Variants in NINL observed in about 807,000 individuals in gnomAD.
The protein encoded by NINL is ninein-like protein.
In NINL, 153 loss-of-function variants were observed where a neutral mutation model predicts 160.3. The ratio of observed to expected loss-of-function variants is 0.95; its 90% CI spans 0.84 to 1.09. The LOEUF (loss-of-function observed/expected upper bound fraction) is 1.09. Ranked by LOEUF, NINL falls within the 50% of genes least tolerant of loss-of-function variation. The probability of loss-of-function intolerance (pLI) is 0.00; values close to 1 mark genes in which losing one functional copy is unlikely to be tolerated. For missense variants in NINL, 1,829 were observed against 1,764.0 expected, an observed-to-expected ratio of 1.04 and a Z score of -0.66; for synonymous variants, 800 against 734.8, an observed-to-expected ratio of 1.09 and a Z score of -1.43.
At chr20:25,499,783 G>A (rs2063829689) in intron 8 of NINL, among the ~76,000 whole-genome samples, 1 of 151,972 alleles carries the variant, frequency 6.6e-6, no homozygotes, top group Non-Finnish European at 1.5e-5. Context: ...GAATATGACA[G>A]AGCCTCCAAG....
rs534660752 is a variant in NINL, at chr20:25,501,366, G to T, written c.862-356C>A. On this transcript the variant is annotated intron_variant, in intron 7 of 23. Coordinates refer to ENST00000278886, the MANE Select transcript of NINL (RefSeq NM_025176.6). ...TCCACCCTTGAATTCACAAAGGCGG[G>T]AGCCTGGCCTCGCAGAGGCAGGGGC... Among the ~76,000 whole-genome samples, 7 of 152,352 alleles carry T rather than the reference G, an allele frequency of 4.6e-5. No individual in the cohort carries two copies. In the South Asian group the frequency reaches 8.3e-4, roughly 18 times the overall value.
At position 25,491,439 on chromosome 20, in the gene NINL, T is replaced by C. The variant is rs2063633445; in HGVS notation, c.1397A>G (p.His466Arg). 1 of 1,613,884 alleles carries C rather than the reference T, an allele frequency of 6.2e-7. No individual in the cohort carries two copies. The highest frequency in any genetic ancestry group is 8.5e-7 in the Non-Finnish European group (1 of 1,179,990). Reference sequence around the variant, plus strand: ...CCACTCCAGCGCGGCCCTCTGCCTGTGGGCCTGCTCCCAGAACAGCTCTCG... The same window carrying C: ...CCACTCCAGCGCGGCCCTCTGCCTGCGGGCCTGCTCCCAGAACAGCTCTCG... ...AERELFWEQAHRQRAALEWDV... is the reference protein window; with the variant it reads ...AERELFWEQARRQRAALEWDV... Residue 466 changes from histidine (H) to arginine (R), a missense_variant, in exon 11 of 24, where the codon CAC (histidine) becomes CGC (arginine). Coordinates refer to ENST00000278886, the MANE Select transcript of NINL (RefSeq NM_025176.6).
chr20:25,510,344 T>C (rs2064044713), intron 5 of NINL, among the ~76,000 whole-genome samples: 1 of 152,232 alleles, frequency 6.6e-6, no homozygotes, highest in Non-Finnish European at 1.5e-5. Flanking sequence ...AAGGCCCTCC[T>C]GCCTGAAACC....
rs539427610 is a variant in NINL at position 25,557,098 on chromosome 20, C to T, written c.-12+28357G>A. Among the ~76,000 whole-genome samples, 4 of 152,306 alleles carry T rather than the reference C, an allele frequency of 2.6e-5. No homozygotes were observed. In the South Asian group the frequency reaches 8.3e-4, roughly 32 times the overall value. ...GTATTTTATTTTATACTGAACTGCA[C>T]ACTTTAAACAGGTGAATTATATGGT... On this transcript the variant is annotated intron_variant, in intron 1 of 23. Transcript: ENST00000278886.
intron 1 of NINL, among the ~76,000 whole-genome samples, chr20:25,570,467 A>C (rs2065041217): frequency 2.0e-5 from 3 of 150,944 alleles, no homozygotes; most frequent in South Asian, 4.2e-4. Flanking sequence ...GAGCCACCTC[A>C]CTCCCCACTC....
rs1165279253 is a variant in NINL, at chr20:25,476,599, C to T, written c.2692G>A (p.Ala898Thr). The stretch of plus-strand genomic sequence containing the variant: ...CACCTCTCTGAGGGGCCGTGGGATG[C>T]CGGGGCAGGGGCGGGGGCCGGGCTC... Reference protein sequence around the residue: ...TQSPAPAPAPASHGPSERWSR... With the variant: ...TQSPAPAPAPTSHGPSERWSR... The change falls in exon 17 of 24, where the codon GCA becomes ACA. Residue 898 changes from alanine to threonine, a missense_variant. By Grantham distance (58) the Ala-to-Thr change is moderately conservative. Coordinates refer to ENST00000278886, the MANE Select transcript of NINL (RefSeq NM_025176.6). The T allele has an allele frequency of 2.5e-6, 4 of 1,597,984 alleles. No homozygotes were observed. The African/African-American group carries it at 4.0e-5, about 16-fold the overall frequency.
At chr20:25,531,084 C>G (rs370902390) in intron 1 of NINL, among the ~76,000 whole-genome samples, 1 of 152,162 alleles carries the variant, frequency 6.6e-6, no homozygotes, top group Non-Finnish European at 1.5e-5. Flanking sequence ...CCCTCAGGGA[C>G]GCATTCTCTT....
chr20:25,513,147 T>C (rs1273922556), intron 3 of NINL, 141 bp from the exon 4 acceptor site: 5 of 749,340 alleles, frequency 6.7e-6, no homozygotes, highest in Non-Finnish European at 8.1e-6. Flanking sequence ...CACAGAAGCA[T>C]CTGGAAAGAC....
intron 19 of NINL, among the ~76,000 whole-genome samples, chr20:25,465,013 T>G (rs1173961272): frequency 6.6e-6 from 1 of 152,206 alleles, no homozygotes; most frequent in African/African-American, 2.4e-5. Flanking sequence ...CATCTGGCTT[T>G]CACTGCAGAA....
In NINL at chr20:25,455,780, G is replaced by A. The variant is rs779145119; in HGVS notation, c.3850C>T (p.His1284Tyr). 6.2e-7 allele frequency: 1 copy of A among 1,613,680 alleles called. No individual in the cohort carries two copies. Among genetic ancestry groups the A allele is most frequent in the South Asian group, 1.1e-5 (1 of 91,054 alleles). The change falls in exon 23 of 24, where the codon CAT (histidine) becomes TAT (tyrosine). Residue 1284 changes from histidine (H) to tyrosine (Y), a missense_variant. By Grantham distance (83) the His-to-Tyr change is moderately conservative. Coordinates refer to ENST00000278886, the MANE Select transcript of NINL (RefSeq NM_025176.6). Reference protein sequence around the residue: ...RRRLDAQREEHEKQLKATEER... With the variant: ...RRRLDAQREEYEKQLKATEER... ...TCTGTGGCTTTCAGCTGTTTCTCAT[G>A]TTCTTCCTGCCATAAAAGAAGGTTG...
At chr20:25,575,762 A>G (rs892857981) in intron 1 of NINL, among the ~76,000 whole-genome samples, 1 of 104,934 alleles carries the variant, frequency 9.5e-6, no homozygotes, top group Non-Finnish European at 1.9e-5. Flanking sequence ...AACACAAAAC[A>G]ACAAAAAAAA....
chr20:25,472,251 AAGAG>A (rs1314089611), intron 17 of NINL, among the ~76,000 whole-genome samples: 1 of 148,842 alleles, frequency 6.7e-6, no homozygotes, highest in South Asian at 2.1e-4. Flanking sequence ...GAAAATATAA[AAGAG>A]AGGTTGAGAC....
chr20:25,494,625 G>A (rs1203663329), intron 10 of NINL, among the ~76,000 whole-genome samples: 2 of 152,208 alleles, frequency 1.3e-5, no homozygotes, highest in African/African-American at 4.8e-5. Context: ...GAGGCGGGGT[G>A]AGGCCCCGCC....
chr20:25,554,079 G>T (rs1178149833), intron 1 of NINL, among the ~76,000 whole-genome samples: 10 of 152,222 alleles, frequency 6.6e-5, no homozygotes, highest in African/African-American at 2.4e-4. Context: ...AGGTGTGGGG[G>T]AAGTGAGAGT....
rs147804078 is a variant in NINL, at chr20:25,480,221, C to A, written c.1857G>T (p.Glu619Asp). ...GCTCCTTTACCTGCTCCATCATCAG[C>A]TCCGTTTCTATACTCACTGGAGCAG... is the stretch of plus-strand genomic sequence containing the variant. ...GNSAPVSIETELMMEQVKEHY... is the reference protein window; with the variant it reads ...GNSAPVSIETDLMMEQVKEHY... Residue 619 changes from glutamate (E) to aspartate (D), a missense_variant, in exon 15 of 24, where the codon GAG becomes GAT. Transcript: ENST00000278886. 2.5e-6 allele frequency: 4 copies of A among 1,613,982 alleles called. No homozygotes were observed. Among genetic ancestry groups the A allele is most frequent in the Non-Finnish European group, 3.4e-6 (4 of 1,180,034 alleles).
intron 1 of NINL, among the ~76,000 whole-genome samples, chr20:25,584,017 G>A (rs1342408033): frequency 6.6e-6 from 1 of 152,118 alleles, no homozygotes; most frequent in African/African-American, 2.4e-5. Context: ...AGAGCATTAG[G>A]ACAAATACCT....
At chr20:25,479,241 G>C in intron 15 of NINL, 35 bp from the exon 16 acceptor site, 2 of 1,571,116 alleles carry the variant, frequency 1.3e-6, no homozygotes, top group Non-Finnish European at 1.7e-6. Context: ...TGGACCAGGA[G>C]ACCCTAAGAA....
chr20:25,507,676 C>T (rs2041348534), intron 5 of NINL, among the ~76,000 whole-genome samples: 2 of 152,118 alleles, frequency 1.3e-5, no homozygotes, highest in South Asian at 2.1e-4. Context: ...CTGCTGGTAA[C>T]GGGAAAGCCA....
chr20:25,582,877 G>T (rs985674799), intron 1 of NINL, among the ~76,000 whole-genome samples: 47 of 151,998 alleles, frequency 3.1e-4, no homozygotes, highest in African/African-American at 1.1e-3. Context: ...AACAAGCAAT[G>T]GGGAAAGGAT....
Sources: allele counts gnomAD v4.1 joint callset (sites outside exome capture counted in the v4.1 genomes callset), GRCh38; gene constraint gnomAD v4.1.1; transcripts MANE v1.5; gene names NCBI Gene and HGNC (gene_info 2026-07-23, HGNC 2026-07-21).